The following CD247 variants were observed in gnomAD, a reference collection of about 807,000 sequenced individuals.
The protein encoded by CD247 is T-cell surface glycoprotein CD3 zeta chain.
CD247 carries 13 observed loss-of-function variants against 30.0 expected under a neutral mutation model. That is an observed-to-expected ratio of 0.43 (90% CI 0.28 to 0.69). CD247 has a LOEUF of 0.69. Ranked by LOEUF, CD247 falls within the 30% of genes least tolerant of loss-of-function variation. CD247 has a pLI of 0.16. For missense variants in CD247, 193 were observed against 212.6 expected (o/e 0.91, Z 0.57); for synonymous variants, 72 against 80.0 (o/e 0.90, Z 0.53).
chr1:167,477,540 G>T (rs1195208373), intron 1 of CD247, among the ~76,000 whole-genome samples: 1 of 152,018 alleles, frequency 6.6e-6, no homozygotes, highest in East Asian at 1.9e-4. Flanking sequence ...CTTGAGACAG[G>T]GTCTTACTCT....
At chr1:167,466,846 T>TTTC (rs1553232388) in intron 1 of CD247, among the ~76,000 whole-genome samples, 2 of 151,366 alleles carry the variant, frequency 1.3e-5, no homozygotes, top group Non-Finnish European at 3.0e-5. Context: ...TCCTCTTCTT[T>TTTC]TTTTTTTTTT....
intron 1 of CD247, 110 bp downstream of exon 1, chr1:167,518,298 G>A (rs1312264066): frequency 2.0e-6 from 2 of 996,344 alleles, no homozygotes; most frequent in Non-Finnish European, 3.2e-6. Context: ...AGGAGGGCAG[G>A]ATTTGAAGGA....
intron 1 of CD247, among the ~76,000 whole-genome samples, chr1:167,461,202 G>A (rs56180900): frequency 0.02 from 2,998 of 152,290 alleles, 96 homozygotes; most frequent in African/African-American, 0.067. Context: ...AAACTCAGCC[G>A]GGCCGCCCCT....
chr1:167,439,457 G>A (rs1651717488), intron 2 of CD247, 57 bp from the exon 3 acceptor site: 5 of 1,544,250 alleles, frequency 3.2e-6, no homozygotes, highest in African/African-American at 2.7e-5. Flanking sequence ...AGGGGAGCCG[G>A]GGTGCCAGGG....
intron 1 of CD247, among the ~76,000 whole-genome samples, chr1:167,516,833 T>C (rs1655625067): frequency 6.6e-6 from 1 of 152,128 alleles, no homozygotes; most frequent in Non-Finnish European, 1.5e-5. Flanking sequence ...GGGGTTCTGT[T>C]TACCACGCTT....
chr1:167,508,050 T>C (rs1377358314), intron 1 of CD247, among the ~76,000 whole-genome samples: 2 of 152,030 alleles, frequency 1.3e-5, no homozygotes, highest in East Asian at 3.9e-4. Context: ...AATCAAGAAA[T>C]TGTCATGAAG....
In CD247 at chr1:167,473,612, C is replaced by T. The variant is rs143357548; in HGVS notation, c.59-32845G>A. Among the ~76,000 whole-genome samples the T allele has an allele frequency of 2.0e-3, 310 of 152,232 alleles. 1 individual carries two copies. Among genetic ancestry groups the T allele is most frequent in the African/African-American group, 6.9e-3 (287 of 41,554 alleles). On this transcript the variant is annotated intron_variant, in intron 1 of 7. Transcript: ENST00000362089. The stretch of plus-strand genomic sequence containing the variant: ...GGGAGTTCGTGCAGAACTGGGAGTC[C>T]TAGGTCTTTTCTGCTCTGCCACAGG...
intron 2 of CD247, chr1:167,440,264 G>A: frequency 3.3e-6 from 1 of 306,914 alleles, no homozygotes; most frequent in South Asian, 3.1e-5. Flanking sequence ...CCCACGCTCT[G>A]GTCAGCTCCC....
chr1:167,517,986 C>A (rs1655688975), intron 1 of CD247, among the ~76,000 whole-genome samples: 1 of 152,158 alleles, frequency 6.6e-6, no homozygotes, highest in African/African-American at 2.4e-5. Context: ...AGTGACGGAG[C>A]CAGCCAGAGG....
chr1:167,453,830 C>T (rs565946780), intron 1 of CD247, among the ~76,000 whole-genome samples: 104 of 152,090 alleles, frequency 6.8e-4, no homozygotes, highest in Middle Eastern at 6.8e-3. Context: ...TGTGGTGGCA[C>T]ACACCTGTAG....
intron 1 of CD247, among the ~76,000 whole-genome samples, chr1:167,452,051 C>T (rs573292110): frequency 2.0e-4 from 30 of 152,274 alleles, no homozygotes; most frequent in Admixed American, 7.8e-4. Context: ...GGCTAAACCC[C>T]GTCTCTACCG....
chr1:167,467,740 C>T (rs1383386489), intron 1 of CD247, among the ~76,000 whole-genome samples: 2 of 152,192 alleles, frequency 1.3e-5, no homozygotes, highest in African/African-American at 4.8e-5. Flanking sequence ...TCCTAACCCA[C>T]CCACATGAAC....
At chr1:167,487,073 CAA>C (rs768259910) in intron 1 of CD247, among the ~76,000 whole-genome samples, 11 of 102,712 alleles carry the variant, frequency 1.1e-4, no homozygotes, top group Admixed American at 3.1e-4. Flanking sequence ...GACTCCATTT[CAA>C]AAAAAAAAAA....
chr1:167,438,519 T>G, intron 4 of CD247, 51 bp downstream of exon 4: 42 of 1,435,040 alleles, frequency 2.9e-5, no homozygotes, highest in Non-Finnish European at 3.6e-5. Context: ...CAGCCTGGGC[T>G]GAGCCCCACC....
chr1:167,470,519 A>G (rs1249127009), intron 1 of CD247, among the ~76,000 whole-genome samples: 9 of 150,128 alleles, frequency 6.0e-5, no homozygotes, highest in South Asian at 2.1e-4. Context: ...AAAAAAAAAA[A>G]AAAAAAAAGA....
chr1:167,453,397 A>G (rs1287129751), intron 1 of CD247, among the ~76,000 whole-genome samples: 3 of 152,150 alleles, frequency 2.0e-5, no homozygotes, highest in Admixed American at 2.0e-4. Context: ...CACGCAGCAC[A>G]CTGCCCTCAA....
At chr1:167,492,258 G>C (rs374713469) in intron 1 of CD247, among the ~76,000 whole-genome samples, 111 of 152,334 alleles carry the variant, frequency 7.3e-4, no homozygotes, top group African/African-American at 2.6e-3. Flanking sequence ...GCTCACAGTT[G>C]ACATGTGTGA....
At chr1:167,492,803 C>G (rs532438158) in intron 1 of CD247, among the ~76,000 whole-genome samples, 10 of 152,166 alleles carry the variant, frequency 6.6e-5, no homozygotes, top group Non-Finnish European at 1.2e-4. Context: ...GGGGCCCCCC[C>G]AGAAGGTGTC....
chr1:167,456,242 C>T (rs898726270), intron 1 of CD247, among the ~76,000 whole-genome samples: 1 of 151,860 alleles, frequency 6.6e-6, no homozygotes, highest in Non-Finnish European at 1.5e-5. Context: ...TGTGGAGCTC[C>T]GAGAATACAT....
Sources: gnomAD v4.1 joint callset for allele counts (sites outside exome capture counted in the v4.1 genomes callset) on GRCh38, gnomAD v4.1.1 for gene constraint, MANE v1.5 for transcripts, NCBI Gene and HGNC (gene_info 2026-07-23, HGNC 2026-07-21) for gene names.